MTHFD1L: variants seen among roughly 807,000 people sequenced by gnomAD.
MTHFD1L encodes monofunctional C1-tetrahydrofolate synthase, mitochondrial.
In MTHFD1L, 81 loss-of-function variants were observed where a neutral mutation model predicts 119.5. That is an observed-to-expected ratio of 0.68 (90% CI 0.57 to 0.82). MTHFD1L has a LOEUF of 0.82. MTHFD1L is among the 40% of genes least tolerant of loss of function. The probability of loss-of-function intolerance (pLI) is 0.00; values close to 1 mark genes in which losing one functional copy is unlikely to be tolerated. For synonymous variants in MTHFD1L, 430 were observed against 475.2 expected (o/e 0.90, Z 1.24); for missense variants, 1,125 against 1,253.4 (o/e 0.90, Z 1.55).
At chr6:150,881,976 T>C (rs1408050171) in intron 4 of MTHFD1L, among the ~76,000 whole-genome samples, 1 of 152,246 alleles carries the variant, frequency 6.6e-6, no homozygotes, top group Admixed American at 6.5e-5. Flanking sequence ...GTGAGATCTA[T>C]ATGCAAAGAT....
At chr6:150,913,557 T>C (rs981608217) in intron 8 of MTHFD1L, among the ~76,000 whole-genome samples, 2 of 152,112 alleles carry the variant, frequency 1.3e-5, no homozygotes, top group African/African-American at 4.8e-5. Context: ...CCTCCTGCCT[T>C]GGCCTCTGAA....
chr6:150,876,429 A>G (rs1347492435), intron 2 of MTHFD1L, among the ~76,000 whole-genome samples: 1 of 152,176 alleles, frequency 6.6e-6, no homozygotes, highest in Non-Finnish European at 1.5e-5. Flanking sequence ...ACTTACATGC[A>G]TTGCATTACA....
intron 7 of MTHFD1L, among the ~76,000 whole-genome samples, chr6:150,901,507 C>T (rs1264377055): frequency 6.6e-6 from 1 of 152,098 alleles, no homozygotes; most frequent in Non-Finnish European, 1.5e-5. Flanking sequence ...TAAATAAAGC[C>T]TTGTGAAGAA....
chr6:150,905,805 T>C lies in MTHFD1L; in HGVS notation c.892+44T>C, dbSNP rs900808093. The C allele has an allele frequency of 5.0e-6, 7 of 1,408,688 alleles. No homozygotes were observed. The African/African-American group carries it at 5.6e-5, about 11-fold the overall frequency. 87.3% of individuals were successfully genotyped at this position (1,408,688 alleles called of 1,614,324 possible). On this transcript the variant is annotated intron_variant, in intron 8 of 27. Transcript: ENST00000367321. ...GTGTTGAGCCACTGATTAGGTCAGA[T>C]AGTTCAAAGAAATGTTAACCTTTTC...
intron 5 of MTHFD1L, among the ~76,000 whole-genome samples, chr6:150,883,744 G>A (rs1431496422): frequency 4.6e-5 from 7 of 152,156 alleles, no homozygotes; most frequent in Admixed American, 4.6e-4. Context: ...CGTCTCCAGT[G>A]GGGGATAAGC....
At position 150,970,007 on chromosome 6, in the gene MTHFD1L, G is replaced by A. The variant is rs537547037; in HGVS notation, c.2014-1940G>A. Among the ~76,000 whole-genome samples the A allele has an allele frequency of 2.6e-5, 4 of 152,254 alleles. No individual in the cohort carries two copies. In the East Asian group the frequency reaches 5.8e-4, roughly 22 times the overall value. On this transcript the variant is annotated intron_variant, in intron 19 of 27. Transcript: ENST00000367321. ...TCTGGGTTTTATGTATCTAATCATT[G>A]ACTAGGAATCTATCTCAGCAGATAA... is the stretch of plus-strand genomic sequence containing the variant.
intron 7 of MTHFD1L, among the ~76,000 whole-genome samples, chr6:150,897,392 G>T (rs1182716177): frequency 6.6e-6 from 1 of 152,170 alleles, no homozygotes; most frequent in Non-Finnish European, 1.5e-5. Context: ...TCTGAACATG[G>T]AATGTATTTT....
chr6:151,064,424 C>T (rs912325694), intron 26 of MTHFD1L, among the ~76,000 whole-genome samples: 69 of 152,028 alleles, frequency 4.5e-4, no homozygotes, highest in African/African-American at 1.6e-3. Context: ...AGTGATTCTC[C>T]TGCCTCAGCC....
intron 13 of MTHFD1L, among the ~76,000 whole-genome samples, 153 bp from the exon 14 acceptor site, chr6:150,944,333 G>A (rs903304487): frequency 1.3e-5 from 2 of 152,156 alleles, no homozygotes; most frequent in African/African-American, 4.8e-5. Flanking sequence ...TATAGTCCCA[G>A]CCTACTCAGT....
intron 20 of MTHFD1L, among the ~76,000 whole-genome samples, chr6:150,987,877 A>G (rs1778524588): frequency 6.6e-6 from 1 of 152,226 alleles, no homozygotes; most frequent in Non-Finnish European, 1.5e-5. Flanking sequence ...GTGTTGAAGC[A>G]GCAATTAAAT....
rs972855668 is a variant in MTHFD1L at position 151,039,783 on chromosome 6, T to C, written c.2847+2666T>C. 2.0e-5 allele frequency among the ~76,000 whole-genome samples: 3 copies of C among 151,980 alleles called. No individual in the cohort carries two copies. Among genetic ancestry groups the C allele is most frequent in the African/African-American group, 7.3e-5 (3 of 41,364 alleles). On this transcript the variant is annotated intron_variant, in intron 26 of 27. Transcript: ENST00000367321. This position sits in a 1 kb window ranked among gnomAD's most constrained non-coding sequence, Gnocchi z 4.4. ...TACAAAAATTTGCCGGGCGGGGTGG[T>C]GGGCACCTATAATCCCAGCTGCTCA... is the stretch of plus-strand genomic sequence containing the variant.
chr6:150,964,949 T>C lies in MTHFD1L; in HGVS notation c.1945-20T>C, dbSNP rs1320587743. 2 of 1,611,714 alleles carry C rather than the reference T, an allele frequency of 1.2e-6. No individual in the cohort carries two copies. The highest frequency in any genetic ancestry group is 2.2e-5 in the East Asian group (1 of 44,830). ...GGATGATATTTTGTCAGGAATCTAA[T>C]GTTTTTCTCTCTCCTGTAGGGGGTG... On this transcript the variant is annotated intron_variant, in intron 18 of 27. Transcript: ENST00000367321.
chr6:150,879,500 G>C (rs1330342945), intron 4 of MTHFD1L, among the ~76,000 whole-genome samples: 1 of 151,768 alleles, frequency 6.6e-6, no homozygotes, highest in Non-Finnish European at 1.5e-5. Context: ...TGTTGACCAG[G>C]CTGGTCTTGA....
intron 18 of MTHFD1L, 80 bp from the exon 19 acceptor site, chr6:150,964,889 G>A (rs1405897906): frequency 7.1e-7 from 1 of 1,414,154 alleles, no homozygotes; most frequent in African/African-American, 1.4e-5. Flanking sequence ...CAAGAAGCAG[G>A]CTGGAGAGAA....
chr6:151,041,131 G>A (rs983355416), intron 26 of MTHFD1L, among the ~76,000 whole-genome samples: 3 of 152,194 alleles, frequency 2.0e-5, no homozygotes, highest in Non-Finnish European at 2.9e-5. Context: ...GAAGGGAGTG[G>A]TGCCTGACTA....
chr6:151,009,678 A>G (rs1457663117), intron 20 of MTHFD1L, 141 bp from the exon 21 acceptor site: 1 of 988,490 alleles, frequency 1.0e-6, no homozygotes, highest in African/African-American at 1.7e-5. Context: ...TTTCTATGAC[A>G]ATGGGGAAAT....
Position 150,885,754 on chromosome 6 carries a change from A to G in MTHFD1L, c.643+20A>G, listed in dbSNP as rs1443228334. ...AATCAGGTAGGATGCTCCTTGAGAA[A>G]TGCCGCTGATTTCTATTTATTGGTA... is the stretch of plus-strand genomic sequence containing the variant. On this transcript the variant is annotated intron_variant, in intron 6 of 27. Coordinates refer to ENST00000367321, the MANE Select transcript of MTHFD1L (RefSeq NM_015440.5). The G allele has an allele frequency of 3.2e-6, 5 of 1,543,458 alleles. No individual in the cohort carries two copies. Among genetic ancestry groups the G allele is most frequent in the Non-Finnish European group, 4.5e-6 (5 of 1,116,816 alleles).
At position 151,023,115 on chromosome 6, in the gene MTHFD1L, C is replaced by T. The variant is rs113165077; in HGVS notation, c.2586+7422C>T. Among the ~76,000 whole-genome samples the T allele has an allele frequency of 3.1e-4, 46 of 150,740 alleles. 2 individuals are homozygous for T. Among genetic ancestry groups the T allele is most frequent in the African/African-American group, 1.1e-3 (44 of 41,002 alleles). On this transcript the variant is annotated intron_variant, in intron 24 of 27. Coordinates refer to ENST00000367321, the MANE Select transcript of MTHFD1L (RefSeq NM_015440.5). ...AGGCTGGAGTGCATTGGCACGATCT[C>T]GGCTCACTGCAACCTCCACCTCCCG...
intron 16 of MTHFD1L, among the ~76,000 whole-genome samples, chr6:150,951,315 A>C (rs1794849963): frequency 6.6e-6 from 1 of 152,090 alleles, no homozygotes; most frequent in African/African-American, 2.4e-5. Flanking sequence ...TACAGACATG[A>C]ACCACTGCAC....
Sources: gnomAD v4.1 joint callset for allele counts (sites outside exome capture counted in the v4.1 genomes callset) on GRCh38, gnomAD v4.1.1 for gene constraint, Gnocchi (gnomAD v3.1) non-coding constraint, MANE v1.5 for transcripts, NCBI Gene and HGNC (gene_info 2026-07-23, HGNC 2026-07-21) for gene names.